Variants in DZANK1 observed in about 807,000 individuals in gnomAD.
DZANK1 encodes double zinc ribbon and ankyrin repeat-containing protein 1.
A neutral mutation model predicts 94.5 loss-of-function variants in DZANK1; 91 were observed. The ratio of observed to expected loss-of-function variants is 0.96; its 90% CI spans 0.81 to 1.15. DZANK1 has a LOEUF of 1.15. Among genes scored for constraint, DZANK1 ranks in the 50% most tolerant of loss-of-function variants. The pLI is 0.00. For synonymous variants in DZANK1, 312 were observed against 325.3 expected (o/e 0.96, Z 0.44); for missense variants, 903 against 916.4 (o/e 0.99, Z 0.19).
At position 18,417,884 on chromosome 20, in the gene DZANK1, G is replaced by A. The variant is rs148822584; in HGVS notation, c.955-2435C>T. 1.6e-3 allele frequency among the ~76,000 whole-genome samples: 243 copies of A among 152,170 alleles called. 2 individuals carry two copies. The highest frequency in any genetic ancestry group is 5.6e-3 in the African/African-American group (234 of 41,528). ...GTGTATCACTAGAGGTCAGGAGTTC[G>A]AGACCAGCCTGGCCAACACGGTGAA... On this transcript the variant is annotated intron_variant, in intron 10 of 20. Coordinates refer to ENST00000262547, the Ensembl canonical transcript of DZANK1.
chr20:18,440,044 C>T (rs900871916), intron 8 of DZANK1, among the ~76,000 whole-genome samples: 3 of 152,048 alleles, frequency 2.0e-5, no homozygotes, highest in Non-Finnish European at 2.9e-5. Context: ...GAAGAGACAC[C>T]AGGGTTGTGT....
chr20:18,424,171 C>T (rs1177136390), intron 10 of DZANK1, among the ~76,000 whole-genome samples: 5 of 152,098 alleles, frequency 3.3e-5, no homozygotes, highest in Non-Finnish European at 1.5e-5. Flanking sequence ...TGATACCGGC[C>T]GGGCGCGGTG....
intron 10 of DZANK1, among the ~76,000 whole-genome samples, chr20:18,425,482 C>A (rs896591984): frequency 6.7e-6 from 1 of 150,038 alleles, no homozygotes; most frequent in Non-Finnish European, 1.5e-5. Context: ...ACCAGGGAGG[C>A]GGAGGTTGCA....
chr20:18,465,813 TGTTA>T (rs1416570440), intron 1 of DZANK1, among the ~76,000 whole-genome samples: 2 of 152,250 alleles, frequency 1.3e-5, no homozygotes, highest in Admixed American at 1.3e-4. Flanking sequence ...TACCACAAAA[TGTTA>T]GTTAGAGCTA....
chr20:18,392,327 T>C (rs1328479760), intron 17 of DZANK1, among the ~76,000 whole-genome samples: 1 of 152,178 alleles, frequency 6.6e-6, no homozygotes, highest in Admixed American at 6.5e-5. Context: ...TCTTTCCAAA[T>C]GTACTGGTGT....
At chr20:18,399,057 C>A (rs902071837) in intron 13 of DZANK1, among the ~76,000 whole-genome samples, 1 of 147,906 alleles carries the variant, frequency 6.8e-6, no homozygotes, top group Admixed American at 6.9e-5. Flanking sequence ...ACACATGAGG[C>A]GGAGGTTGCA....
exon 8 of DZANK1, chr20:18,443,435 G>A: frequency 2.0e-6 from 3 of 1,504,014 alleles, no homozygotes; most frequent in Non-Finnish European, 2.7e-6. Flanking sequence ...AAAGGGATCT[G>A]ATGGCCGGGG....
chr20:18,438,232 A>G (rs1261945436), intron 8 of DZANK1, among the ~76,000 whole-genome samples: 1 of 124,222 alleles, frequency 8.1e-6, no homozygotes, highest in East Asian at 2.0e-4. Context: ...AAAAAAAAAA[A>G]AAAAAAAGAA....
chr20:18,446,075 A>AC (rs1256840572), intron 7 of DZANK1, among the ~76,000 whole-genome samples: 85 of 151,906 alleles, frequency 5.6e-4, no homozygotes, highest in Non-Finnish European at 4.4e-5. Flanking sequence ...AAAAAAAAAA[A>AC]AAAGAAAAAA....
At position 18,463,061 on chromosome 20, in the gene DZANK1, A is replaced by C. The variant is rs149371491; in HGVS notation, c.109+2189T>G. 5.3e-3 allele frequency among the ~76,000 whole-genome samples: 808 copies of C among 152,312 alleles called. 9 individuals carry two copies. Among genetic ancestry groups the C allele is most frequent in the African/African-American group, 0.018 (761 of 41,564 alleles). Reference sequence around the variant, plus strand: ...TTCTACCAAAAGGACACATGTACCCATATGTTCCTTACAGCACTATTCATA... The same window carrying C: ...TTCTACCAAAAGGACACATGTACCCCTATGTTCCTTACAGCACTATTCATA... On this transcript the variant is annotated intron_variant, in intron 2 of 20. Coordinates refer to ENST00000262547, the Ensembl canonical transcript of DZANK1.
rs2056173259 is a variant in DZANK1, at chr20:18,393,957, G to A, written c.1709-146C>T. 2.2e-5 allele frequency: 14 copies of A among 644,740 alleles called. No homozygotes were observed. The Admixed American group carries it at 4.2e-4, about 19-fold the overall frequency. The allele number at this position is 644,740 out of a possible 1,614,324, so 39.9% of individuals were successfully genotyped here. On this transcript the variant is annotated intron_variant, in intron 16 of 20. Transcript: ENST00000262547. ...CTATTTGATTAAACCCGGCAGGAGA[G>A]ACTCCTGGAGCCACTCTCCTGTCCA...
At chr20:18,407,449 A>T (rs562479370) in intron 13 of DZANK1, among the ~76,000 whole-genome samples, 1 of 152,206 alleles carries the variant, frequency 6.6e-6, no homozygotes, top group Admixed American at 6.5e-5. Flanking sequence ...CCCAAGAACA[A>T]TAGGCACAAA....
intron 6 of DZANK1, chr20:18,452,070 GGTT>G: frequency 2.0e-5 from 4 of 198,404 alleles, no homozygotes; most frequent in Non-Finnish European, 3.5e-5. Flanking sequence ...ATTTAGGGGT[GGTT>G]TTTTTTTTTT....
At chr20:18,393,104 G>A (rs745497640) in intron 17 of DZANK1, among the ~76,000 whole-genome samples, 16 of 152,172 alleles carry the variant, frequency 1.1e-4, no homozygotes, top group Non-Finnish European at 2.1e-4. Flanking sequence ...GCCCAAGAAA[G>A]GAGAAGGGCA....
At chr20:18,426,987 G>T in intron 10 of DZANK1, 80 bp downstream of exon 10, 1 of 1,056,326 alleles carries the variant, frequency 9.5e-7, no homozygotes, top group Non-Finnish European at 1.3e-6. Context: ...CAACCCCCTC[G>T]GCAGATTCTG....
intron 9 of DZANK1, among the ~76,000 whole-genome samples, chr20:18,429,206 T>A (rs2058183236): frequency 6.6e-6 from 1 of 152,226 alleles, no homozygotes; most frequent in Non-Finnish European, 1.5e-5. Context: ...CAAATAAAAG[T>A]AATCTTTCTG....
At chr20:18,389,506 C>T (rs1004847181) in intron 19 of DZANK1, among the ~76,000 whole-genome samples, 195 bp downstream of exon 19, 6 of 152,222 alleles carry the variant, frequency 3.9e-5, no homozygotes, top group Non-Finnish European at 8.8e-5. Flanking sequence ...TCCAACAGTC[C>T]ATTTTTAAAA....
At chr20:18,445,103 G>A (rs1197698098) in intron 7 of DZANK1, among the ~76,000 whole-genome samples, 6 of 152,122 alleles carry the variant, frequency 3.9e-5, no homozygotes, top group South Asian at 2.1e-4. Context: ...CACCGCGCCC[G>A]GCCAGAAACC....
At chr20:18,384,115 G>A (rs1210499168) in exon 21 of DZANK1, 2 of 210,844 alleles carry the variant, frequency 9.5e-6, no homozygotes, top group Non-Finnish European at 1.9e-5. Flanking sequence ...GCTGGAGTGC[G>A]ATGGCGCGAT....
Sources: allele counts gnomAD v4.1 joint callset (sites outside exome capture counted in the v4.1 genomes callset), GRCh38; gene constraint gnomAD v4.1.1; transcripts MANE v1.5; gene names NCBI Gene and HGNC (gene_info 2026-07-23, HGNC 2026-07-21).